The following ABCB8 variants were observed in gnomAD, a reference collection of about 807,000 sequenced individuals.
ABCB8 encodes the protein mitochondrial potassium channel ATP-binding subunit.
A neutral mutation model predicts 73.0 loss-of-function variants in ABCB8; 52 were observed. That is an observed-to-expected ratio of 0.71 (90% CI 0.57 to 0.90). The LOEUF (loss-of-function observed/expected upper bound fraction) is 0.90, where lower values mean the gene tolerates loss of function less well. Ranked by LOEUF, ABCB8 falls within the 40% of genes least tolerant of loss-of-function variation. ABCB8 has a pLI of 0.00. For synonymous variants in ABCB8, 428 were observed against 423.5 expected (o/e 1.01, Z -0.13); for missense variants, 909 against 974.6 (o/e 0.93, Z 0.90).
intron 14 of ABCB8, among the ~76,000 whole-genome samples, chr7:151,043,596 G>A (rs1313069432): frequency 6.8e-6 from 1 of 147,932 alleles, no homozygotes; most frequent in East Asian, 2.0e-4. Flanking sequence ...TGGGGTGGAG[G>A]GTCAGAGGCA....
intron 8 of ABCB8, 33 bp from the exon 9 acceptor site, chr7:151,036,511 G>C: frequency 6.3e-7 from 1 of 1,578,352 alleles, no homozygotes; most frequent in Non-Finnish European, 8.7e-7. Flanking sequence ...CTCTGCCCTG[G>C]CTTCGTCCTC....
rs1197116306 is a variant in ABCB8, at chr7:151,044,115, T to C, written c.1910T>C (p.Leu637Pro). ...TCCGAGCGGGTTGTACAGGAGGCCCTGGACCGGGCCAGTGCAGGCCGCACG... is the reference window on the plus strand; with the variant it reads ...TCCGAGCGGGTTGTACAGGAGGCCCCGGACCGGGCCAGTGCAGGCCGCACG... ...AESERVVQEA[L>P]DRASAGRTVL... The change falls in exon 15 of 16, where the codon CTG becomes CCG. Residue 637 changes from leucine (L) to proline (P), a missense_variant. Leu to Pro is a moderately conservative substitution (Grantham distance 98). Coordinates refer to ENST00000358849, the MANE Select transcript of ABCB8 (RefSeq NM_007188.5). 1.9e-6 allele frequency: 3 copies of C among 1,613,910 alleles called. No individual in the cohort carries two copies. The highest frequency in any genetic ancestry group is 1.1e-5 in the South Asian group (1 of 91,088).
Position 151,041,180 on chromosome 7 carries a change from G to A in ABCB8, c.1565G>A (p.Arg522His), listed in dbSNP as rs1233230045. The change falls in exon 13 of 16, where the codon CGC becomes CAC. Residue 522 changes from arginine to histidine, a missense_variant. Coordinates refer to ENST00000358849, the MANE Select transcript of ABCB8 (RefSeq NM_007188.5). ...GVVMLDGRDL[R>H]TLDPSWLRGQ... is the part of the protein sequence containing the mutation. Reference sequence around the variant, plus strand: ...GTGATGCTGGATGGGCGGGACCTGCGCACCCTTGACCCCTCCTGGCTCCGG... The same window carrying A: ...GTGATGCTGGATGGGCGGGACCTGCACACCCTTGACCCCTCCTGGCTCCGG... 7.5e-6 allele frequency: 12 copies of A among 1,609,476 alleles called. No homozygotes were observed. Among genetic ancestry groups the A allele is most frequent in the African/African-American group, 1.3e-5 (1 of 74,942 alleles).
chr7:151,041,894 C>A, intron 13 of ABCB8, 67 bp from the exon 14 acceptor site: 2 of 1,565,464 alleles, frequency 1.3e-6, no homozygotes, highest in Non-Finnish European at 1.7e-6. Flanking sequence ...TGTATGGTGG[C>A]CCCTCCAGTT....
At chr7:151,028,638 G>T (rs751572165) in intron 1 of ABCB8, 28 bp downstream of exon 1, 101 of 1,603,116 alleles carry the variant, frequency 6.3e-5, no homozygotes, top group Non-Finnish European at 8.5e-5. Context: ...TACTCAGAGC[G>T]GGCCATTGAC....
intron 1 of ABCB8, chr7:151,031,199 G>A: frequency 7.9e-7 from 1 of 1,260,396 alleles, no homozygotes; most frequent in South Asian, 1.3e-5. Flanking sequence ...ATGTACCGGA[G>A]TTCTGCCAGT....
Position 151,028,667 on chromosome 7 carries a change from C to G in ABCB8, c.95+57C>G, listed in dbSNP as rs111655164. The G allele has an allele frequency of 3.2e-6, 5 of 1,576,708 alleles. No individual in the cohort carries two copies. The Admixed American group carries it at 5.6e-5, about 18-fold the overall frequency. On this transcript the variant is annotated intron_variant, in intron 1 of 15. Coordinates refer to ENST00000358849, the MANE Select transcript of ABCB8 (RefSeq NM_007188.5). ...CATTGACCGCCCGGCAGGGCAGTGC[C>G]GGCCCGCCGGGAGATGGAGTCCACG...
In ABCB8 at chr7:151,034,511, C is replaced by T; in HGVS notation, c.571C>T (p.Leu191=). ...LLILYGVQGL[L]TFGYLVLLSH... ...GCACTGGGCTCTTTCGCAGGGACTG[C>T]TGACCTTCGGGTACCTGGTGCTGCT... is the stretch of plus-strand genomic sequence containing the variant. The change falls in exon 4 of 16, where the codon CTG becomes TTG. Residue 191 remains leucine (L), a synonymous_variant. Transcript: ENST00000358849. The T allele has an allele frequency of 1.2e-6, 2 of 1,613,472 alleles. No homozygotes were observed. Among genetic ancestry groups the T allele is most frequent in the Non-Finnish European group, 8.5e-7 (1 of 1,180,022 alleles).
chr7:151,040,998 G>C (rs1210939568), intron 12 of ABCB8, 76 bp downstream of exon 12: 1 of 1,607,544 alleles, frequency 6.2e-7, no homozygotes, highest in Non-Finnish European at 8.5e-7. Context: ...GGAGCAGTGA[G>C]CCCCCGGTGG....
intron 9 of ABCB8, 86 bp from the exon 10 acceptor site, chr7:151,040,182 G>T: frequency 6.6e-7 from 1 of 1,509,348 alleles, no homozygotes; most frequent in Non-Finnish European, 9.0e-7. Context: ...CTGCTTCCTT[G>T]CTCCCCCGCC....
chr7:151,034,891 GCCAGCCCTGCCCGCC>G, intron 5 of ABCB8, 62 bp downstream of exon 5: 2 of 1,452,874 alleles, frequency 1.4e-6, no homozygotes, highest in Non-Finnish European at 9.5e-7. Context: ...GATTCACCAG[GCCAGCCCTGCCCGCC>G]CCAGCCCTGA....
Position 151,040,840 on chromosome 7 carries a change from C to T in ABCB8, c.1401C>T (p.Arg467=). The T allele has an allele frequency of 6.3e-7, 1 of 1,595,344 alleles. No individual in the cohort carries two copies. Among genetic ancestry groups the T allele is most frequent in the Non-Finnish European group, 8.5e-7 (1 of 1,171,118 alleles). The change falls in exon 12 of 16, where the codon CGC becomes CGT. Residue 467 remains arginine, a synonymous_variant. Coordinates refer to ENST00000358849, the MANE Select transcript of ABCB8 (RefSeq NM_007188.5). ...CGGCTCCTCCCAGCTACCCCTGCCG[C>T]CCCGGCTTCGAGGTGCTGAAAGACT... The part of the protein sequence containing the change: ...FQNVCFSYPC[R]PGFEVLKDFT...
Position 151,034,602 on chromosome 7 carries a change from A to G in ABCB8, c.659+3A>G. 1 of 1,613,870 alleles carries G rather than the reference A, an allele frequency of 6.2e-7. No homozygotes were observed. The highest frequency in any genetic ancestry group is 8.5e-7 in the Non-Finnish European group (1 of 1,179,976). On this transcript the variant is annotated splice_donor_region_variant and intron_variant, in intron 4 of 15. Coordinates refer to ENST00000358849, the MANE Select transcript of ABCB8 (RefSeq NM_007188.5). ...GCCCTCTTCAGCTCCCTGCTCCGGT[A>G]CTGCCAGCCGCAGGGTGCAGAGTTG...
rs1394936378 is a variant in ABCB8, at chr7:151,034,903, C to T, written c.765+74C>T. 1.3e-5 allele frequency: 17 copies of T among 1,356,632 alleles called. No homozygotes were observed. The East Asian group carries it at 3.5e-4, about 28-fold the overall frequency. The allele number at this position is 1,356,632 out of a possible 1,614,324, so 84.0% of individuals were successfully genotyped here. ...GTGGATTCACCAGGCCAGCCCTGCC[C>T]GCCCCAGCCCTGATGTTGGGCTGAC... On this transcript the variant is annotated intron_variant, in intron 5 of 15. Transcript: ENST00000358849.
At chr7:151,036,951 CA>C in intron 9 of ABCB8, 2 of 703,408 alleles carry the variant, frequency 2.8e-6, no homozygotes, top group Admixed American at 4.0e-5. Context: ...GTAAAGTACA[CA>C]AAACATAAAA....
chr7:151,035,539 G>T (rs753416228), intron 5 of ABCB8, 42 bp from the exon 6 acceptor site: 1 of 1,548,110 alleles, frequency 6.5e-7, no homozygotes, highest in Non-Finnish European at 8.7e-7. Context: ...TCCTGTCATG[G>T]TGCGGACGCC....
rs192058432 is a variant in ABCB8, at chr7:151,037,849, C to T, written c.1217+1200C>T. 4.9e-3 allele frequency: 831 copies of T among 168,758 alleles called. 5 individuals carry two copies. Among genetic ancestry groups the T allele is most frequent in the Non-Finnish European group, 7.3e-3 (567 of 77,678 alleles). 10.5% of individuals were successfully genotyped at this position (168,758 alleles called of 1,614,324 possible). A position where few individuals can be genotyped will look rare whatever the true frequency, so the allele number is the denominator to read the frequency against. Reference sequence around the variant, plus strand: ...CCCCAAACCTGACATTCCACAGAGACGTTCCTCCCATTTCCGCAGCTGCAT... The same window carrying T: ...CCCCAAACCTGACATTCCACAGAGATGTTCCTCCCATTTCCGCAGCTGCAT... On this transcript the variant is annotated intron_variant, in intron 9 of 15. Transcript: ENST00000358849.
intron 9 of ABCB8, chr7:151,039,914 T>C (rs1040174511): frequency 8.7e-6 from 2 of 229,784 alleles, no homozygotes; most frequent in South Asian, 1.5e-4. Context: ...TGGGCTGATA[T>C]CACCGCTGCA....
intron 11 of ABCB8, 24 bp from the exon 12 acceptor site, chr7:151,040,804 T>TG: frequency 6.3e-7 from 1 of 1,587,188 alleles, no homozygotes; most frequent in African/African-American, 1.3e-5. Flanking sequence ...CTGGTCTGAC[T>TG]GGGGGTCTCT....
Sources: allele counts gnomAD v4.1 joint callset (sites outside exome capture counted in the v4.1 genomes callset), GRCh38; gene constraint gnomAD v4.1.1; transcripts MANE v1.5; gene names NCBI Gene and HGNC (gene_info 2026-07-23, HGNC 2026-07-21).